CNTN4: variants seen among roughly 807,000 people sequenced by gnomAD.
CNTN4 encodes the protein contactin 4.
A neutral mutation model predicts 122.5 loss-of-function variants in CNTN4; 77 were observed. The observed-to-expected ratio is 0.63, with a 90% confidence interval of 0.52 to 0.76. The LOEUF is 0.76. Among genes scored for constraint, CNTN4 ranks in the 30% least tolerant of loss-of-function variants. The probability of loss-of-function intolerance (pLI) is 0.00; values close to 1 mark genes in which losing one functional copy is unlikely to be tolerated. For synonymous variants in CNTN4, 512 were observed against 447.0 expected (o/e 1.15, Z -1.83); for missense variants, 1,256 against 1,259.1 (o/e 1.00, Z 0.04).
intron 4 of CNTN4, among the ~76,000 whole-genome samples, chr3:2,624,059 T>C (rs2170004): frequency 0.51 from 77,540 of 152,084 alleles, 21,074 homozygotes; most frequent in East Asian, 0.72. Context: ...CTCAAAATAT[T>C]GTTTATGCCA....
At chr3:2,328,834 C>G (rs1575387530) in intron 2 of CNTN4, among the ~76,000 whole-genome samples, 1 of 152,122 alleles carries the variant, frequency 6.6e-6, no homozygotes, top group East Asian at 1.9e-4. Flanking sequence ...ATAAGGGACC[C>G]CAGCATCTGC....
intron 14 of CNTN4, among the ~76,000 whole-genome samples, chr3:3,025,739 A>C (rs1274894610): frequency 6.6e-6 from 1 of 152,192 alleles, no homozygotes; most frequent in Non-Finnish European, 1.5e-5. Context: ...CTCAGCTGAA[A>C]TGTAGCTTTC....
chr3:2,210,938 T>C (rs1396763891), intron 2 of CNTN4, among the ~76,000 whole-genome samples: 1 of 152,234 alleles, frequency 6.6e-6, no homozygotes, highest in Non-Finnish European at 1.5e-5. Context: ...AAAACAATTT[T>C]CCTGATAATT....
At chr3:2,538,850 C>T (rs1467311858) in intron 3 of CNTN4, among the ~76,000 whole-genome samples, 1 of 151,780 alleles carries the variant, frequency 6.6e-6, no homozygotes, top group African/African-American at 2.4e-5. Context: ...TATATGCACA[C>T]ACAGACACAC....
intron 5 of CNTN4, 147 bp from the exon 6 acceptor site, chr3:2,745,375 G>C: frequency 1.5e-6 from 1 of 685,884 alleles, no homozygotes. Flanking sequence ...CCATTGCTGG[G>C]TAGAGCATTT....
At chr3:2,624,795 C>G (rs902817174) in intron 4 of CNTN4, among the ~76,000 whole-genome samples, 3 of 151,724 alleles carry the variant, frequency 2.0e-5, no homozygotes, top group African/African-American at 7.3e-5. Flanking sequence ...CCACTCCCAG[C>G]TAATTTTTGT....
chr3:2,903,239 C>T (rs1011172294), intron 12 of CNTN4, among the ~76,000 whole-genome samples: 1 of 152,168 alleles, frequency 6.6e-6, no homozygotes, highest in African/African-American at 2.4e-5. Context: ...CCTTGGCACT[C>T]ATTTTTATTC....
chr3:2,196,843 G>A (rs990181466), intron 2 of CNTN4, among the ~76,000 whole-genome samples: 1 of 151,834 alleles, frequency 6.6e-6, no homozygotes, highest in African/African-American at 2.4e-5. Context: ...TCGGAAGTTC[G>A]AGACCAGCCT....
chr3:2,322,145 G>A (rs1417840509), intron 2 of CNTN4, among the ~76,000 whole-genome samples: 1 of 152,054 alleles, frequency 6.6e-6, no homozygotes, highest in Non-Finnish European at 1.5e-5. Flanking sequence ...TATCTATTTT[G>A]TAACACTTTA....
At chr3:2,736,745 G>A (rs1158847159) in intron 5 of CNTN4, among the ~76,000 whole-genome samples, 2 of 151,802 alleles carry the variant, frequency 1.3e-5, no homozygotes, top group Non-Finnish European at 2.9e-5. Flanking sequence ...TTACAGGCGT[G>A]AGCCACCACA....
chr3:2,861,535 G>T (rs2093671463), intron 7 of CNTN4, among the ~76,000 whole-genome samples: 1 of 152,048 alleles, frequency 6.6e-6, no homozygotes, highest in Non-Finnish European at 1.5e-5. Context: ...TAAAAAACAG[G>T]ATACATATTG....
intron 12 of CNTN4, among the ~76,000 whole-genome samples, chr3:2,924,304 C>T (rs974144025): frequency 3.9e-5 from 6 of 151,954 alleles, no homozygotes. Context: ...AAATTGGCCC[C>T]CATTACCCCC....
intron 3 of CNTN4, among the ~76,000 whole-genome samples, chr3:2,368,116 T>A (rs2045478226): frequency 6.8e-6 from 1 of 147,402 alleles, no homozygotes; most frequent in Non-Finnish European, 1.5e-5. Context: ...CACTGCAAGC[T>A]CTGCCTCCTG....
intron 18 of CNTN4, among the ~76,000 whole-genome samples, chr3:3,038,188 C>T (rs758274638): frequency 1.2e-4 from 18 of 152,188 alleles, no homozygotes; most frequent in Non-Finnish European, 2.4e-4. Flanking sequence ...CTTTCAGTTA[C>T]GTGATGACAA....
intron 4 of CNTN4, among the ~76,000 whole-genome samples, chr3:2,692,587 G>T (rs1466004681): frequency 6.6e-6 from 1 of 151,778 alleles, no homozygotes; most frequent in Non-Finnish European, 1.5e-5. Context: ...TAAAATATCC[G>T]GCAACAGTAT....
intron 3 of CNTN4, among the ~76,000 whole-genome samples, chr3:2,510,201 A>C (rs1164305567): frequency 6.6e-6 from 1 of 152,138 alleles, no homozygotes; most frequent in African/African-American, 2.4e-5. Context: ...CCGTCACCCC[A>C]GTGCTATTAC....
chr3:2,642,855 T>C (rs2082953604), intron 4 of CNTN4, among the ~76,000 whole-genome samples: 1 of 152,196 alleles, frequency 6.6e-6, no homozygotes, highest in African/African-American at 2.4e-5. Flanking sequence ...AGGGGGCATA[T>C]TTTGTTCTGA....
At chr3:2,703,530 C>T (rs1309173960) in intron 4 of CNTN4, among the ~76,000 whole-genome samples, 1 of 152,040 alleles carries the variant, frequency 6.6e-6, no homozygotes, top group East Asian at 1.9e-4. Context: ...AACAGTTCCT[C>T]ATTATAAATG....
At chr3:2,532,486 T>G (rs2077634150) in intron 3 of CNTN4, among the ~76,000 whole-genome samples, 1 of 152,120 alleles carries the variant, frequency 6.6e-6, no homozygotes, top group African/African-American at 2.4e-5. Context: ...GAACAAAAAA[T>G]AAAAATAGTA....
Sources: gnomAD v4.1 joint callset for allele counts (sites outside exome capture counted in the v4.1 genomes callset) on GRCh38, gnomAD v4.1.1 for gene constraint, MANE v1.5 for transcripts, NCBI Gene and HGNC (gene_info 2026-07-23, HGNC 2026-07-21) for gene names.